The following XRN2 variants were observed in gnomAD, a reference collection of about 807,000 sequenced individuals.
The protein encoded by XRN2 is DHM1-like protein.
XRN2 carries 44 observed loss-of-function variants against 138.5 expected under a neutral mutation model. That is an observed-to-expected ratio of 0.32 (90% CI 0.25 to 0.41). The LOEUF (loss-of-function observed/expected upper bound fraction) is 0.41. Among genes scored for constraint, XRN2 ranks in the 10% least tolerant of loss-of-function variants. The probability of loss-of-function intolerance (pLI) is 1.00; values close to 1 mark genes in which losing one functional copy is unlikely to be tolerated. For missense variants in XRN2, 937 were observed against 1,169.3 expected (o/e 0.80, Z 2.90); for synonymous variants, 354 against 369.4 (o/e 0.96, Z 0.48).
intron 29 of XRN2, among the ~76,000 whole-genome samples, chr20:21,387,999 T>A (rs1051980068): frequency 1.3e-5 from 2 of 152,264 alleles, no homozygotes. Flanking sequence ...AATTTTGCTT[T>A]GAATTCTTTC....
At chr20:21,334,625 A>G (rs980185815) in intron 13 of XRN2, among the ~76,000 whole-genome samples, 2 of 152,112 alleles carry the variant, frequency 1.3e-5, no homozygotes, top group African/African-American at 4.8e-5. Context: ...ATCTGTGGAG[A>G]GCTGAATCTC....
At chr20:21,378,349 G>A (rs2038848218) in intron 27 of XRN2, among the ~76,000 whole-genome samples, 1 of 152,144 alleles carries the variant, frequency 6.6e-6, no homozygotes, top group African/African-American at 2.4e-5. Flanking sequence ...GTTCTCCTCT[G>A]CGTCTTCTGA....
intron 1 of XRN2, among the ~76,000 whole-genome samples, chr20:21,318,372 C>A (rs2037990019): frequency 6.6e-6 from 1 of 151,990 alleles, no homozygotes; most frequent in Admixed American, 6.6e-5. Context: ...AAACAACTAG[C>A]TTTGTTGGTT....
chr20:21,327,224 A>T (rs539776618), intron 3 of XRN2, among the ~76,000 whole-genome samples: 2 of 152,306 alleles, frequency 1.3e-5, no homozygotes, highest in African/African-American at 4.8e-5. Context: ...TTTGGACTGT[A>T]TCCTATAGGC....
At chr20:21,360,016 A>G (rs545384567) in intron 24 of XRN2, among the ~76,000 whole-genome samples, 1 of 152,260 alleles carries the variant, frequency 6.6e-6, no homozygotes, top group East Asian at 1.9e-4. Context: ...AGTATGTTAT[A>G]CAAGCTGTTG....
chr20:21,307,741 A>G lies in XRN2; in HGVS notation c.75+4268A>G, dbSNP rs1242591114. 2.6e-5 allele frequency among the ~76,000 whole-genome samples: 2 copies of G among 75,876 alleles called. 1 individual carries two copies. Among genetic ancestry groups the G allele is most frequent in the Non-Finnish European group, 6.2e-5 (2 of 32,424 alleles). 49.8% of individuals were successfully genotyped at this position (75,876 alleles called of 152,430 possible). A position where few individuals can be genotyped will look rare whatever the true frequency, so the allele number is the denominator to read the frequency against. ...TGCCCTTTTGTAGTTCCTTTCTACT[A>G]TCCCTCCCTGCCACCTGTCTTTTGC... is the stretch of plus-strand genomic sequence containing the variant. On this transcript the variant is annotated intron_variant, in intron 1 of 29. Coordinates refer to ENST00000377191, the MANE Select transcript of XRN2 (RefSeq NM_012255.5).
chr20:21,385,705 T>G (rs890110025), intron 28 of XRN2, among the ~76,000 whole-genome samples: 2 of 151,972 alleles, frequency 1.3e-5, no homozygotes, highest in East Asian at 1.9e-4. Context: ...GGGAGGAGAG[T>G]GGGGGTAGAG....
chr20:21,322,553 A>G (rs2122191129), intron 1 of XRN2, among the ~76,000 whole-genome samples: 1 of 152,262 alleles, frequency 6.6e-6, no homozygotes, highest in East Asian at 1.9e-4. Flanking sequence ...TGTTCCTGTT[A>G]AATCCTTTGT....
At chr20:21,341,516 C>G (rs983593041) in intron 15 of XRN2, among the ~76,000 whole-genome samples, 1 of 152,144 alleles carries the variant, frequency 6.6e-6, no homozygotes, top group Admixed American at 6.6e-5. Flanking sequence ...AGCAAATCAA[C>G]CTATCCTGCA....
chr20:21,365,811 ATATGAT>A, intron 26 of XRN2, 107 bp downstream of exon 26: 1 of 199,646 alleles, frequency 5.0e-6, no homozygotes, highest in Non-Finnish European at 8.8e-6. Flanking sequence ...TATATATAAT[ATATGAT>A]TATATATTAT....
intron 16 of XRN2, 100 bp from the exon 17 acceptor site, chr20:21,346,315 C>T: frequency 1.4e-6 from 2 of 1,445,990 alleles, no homozygotes; most frequent in Non-Finnish European, 1.9e-6. Flanking sequence ...TCACATTTCC[C>T]CTGGGTATTA....
intron 8 of XRN2, among the ~76,000 whole-genome samples, chr20:21,332,082 G>A (rs575479407): frequency 6.6e-6 from 1 of 152,224 alleles, no homozygotes; most frequent in South Asian, 2.1e-4. Flanking sequence ...AATCCTTAGT[G>A]GCAGTCTATG....
intron 13 of XRN2, among the ~76,000 whole-genome samples, chr20:21,337,578 A>G (rs1350787057): frequency 6.6e-6 from 1 of 152,148 alleles, no homozygotes; most frequent in Non-Finnish European, 1.5e-5. Flanking sequence ...GATGACTCCC[A>G]TGGGAGGAGA....
chr20:21,384,313 A>G (rs931009011), intron 28 of XRN2, among the ~76,000 whole-genome samples: 1 of 152,206 alleles, frequency 6.6e-6, no homozygotes, highest in African/African-American at 2.4e-5. Context: ...GTTAAGCTCA[A>G]TCATGAAAAA....
At chr20:21,321,338 T>C (rs1179788550) in intron 1 of XRN2, among the ~76,000 whole-genome samples, 2 of 150,614 alleles carry the variant, frequency 1.3e-5, no homozygotes, top group East Asian at 1.9e-4. Context: ...TGTGTGTGTG[T>C]GTGTGTGTGT....
chr20:21,345,979 A>G (rs2038430964), intron 16 of XRN2, among the ~76,000 whole-genome samples: 2 of 152,218 alleles, frequency 1.3e-5, no homozygotes, highest in African/African-American at 4.8e-5. Context: ...GTGCGTCTTA[A>G]GTAATTTAGT....
chr20:21,357,923 C>T, intron 24 of XRN2, 131 bp downstream of exon 24: 1 of 659,830 alleles, frequency 1.5e-6, no homozygotes, highest in Non-Finnish European at 2.5e-6. Flanking sequence ...TGGAGAGTCC[C>T]TGTGTTGCAG....
intron 3 of XRN2, among the ~76,000 whole-genome samples, chr20:21,327,031 G>A (rs1160208211): frequency 6.6e-6 from 1 of 152,178 alleles, no homozygotes. Flanking sequence ...GGAGATTGGT[G>A]GGTGGTGGTG....
chr20:21,312,191 C>CA (rs1192635595), intron 1 of XRN2, among the ~76,000 whole-genome samples: 6 of 152,030 alleles, frequency 3.9e-5, no homozygotes, highest in Admixed American at 1.3e-4. Flanking sequence ...CAGCTCACTG[C>CA]AAGCTCTGCC....
Sources: allele counts gnomAD v4.1 joint callset (sites outside exome capture counted in the v4.1 genomes callset), GRCh38; gene constraint gnomAD v4.1.1; transcripts MANE v1.5; gene names NCBI Gene and HGNC (gene_info 2026-07-23, HGNC 2026-07-21).